The following KCNIP3 variants were observed in gnomAD, a reference collection of about 807,000 sequenced individuals.
KCNIP3 encodes the protein potassium voltage-gated channel interacting protein 3.
A neutral mutation model predicts 35.0 loss-of-function variants in KCNIP3; 28 were observed. The ratio of observed to expected loss-of-function variants is 0.80; its 90% confidence interval spans 0.59 to 1.10. The LOEUF (loss-of-function observed/expected upper bound fraction) is 1.10, where lower values mean the gene tolerates loss of function less well. Among genes scored for constraint, KCNIP3 ranks in the 50% least tolerant of loss-of-function variants. The pLI is 0.00. For missense variants in KCNIP3, 295 were observed against 338.4 expected (o/e 0.87, Z 1.01); for synonymous variants, 134 against 133.8 (o/e 1.00, Z -0.01).
chr2:95,317,384 AG>A (rs1678483638), intron 2 of KCNIP3, among the ~76,000 whole-genome samples: 1 of 152,184 alleles, frequency 6.6e-6, no homozygotes, highest in African/African-American at 2.4e-5. Flanking sequence ...TTCTGCCTCC[AG>A]GAACAGTGAG....
At position 95,376,043 on chromosome 2, in the gene KCNIP3, G is replaced by A. The variant is rs1164857361; in HGVS notation, c.447+835G>A. ...CGGGTTATTTTTATGCCGCAAGCCC[G>A]CCAGGCACACTGACGCTCCCCGCCT... On this transcript the variant is annotated intron_variant, in intron 5 of 8. Transcript: ENST00000295225. This position sits in a 1 kb window ranked among gnomAD's most constrained non-coding sequence, Gnocchi z 4.2. 6.6e-6 allele frequency among the ~76,000 whole-genome samples: 1 copy of A among 152,176 alleles called. No individual in the cohort carries two copies. Among genetic ancestry groups the A allele is most frequent in the Admixed American group, 6.5e-5 (1 of 15,290 alleles).
chr2:95,324,618 A>T (rs1449213474), intron 2 of KCNIP3, among the ~76,000 whole-genome samples: 1 of 150,410 alleles, frequency 6.6e-6, no homozygotes, highest in African/African-American at 2.4e-5. Context: ...AAAATAAAAA[A>T]AATGACAGTT....
chr2:95,347,899 C>T (rs1679416170), intron 2 of KCNIP3, among the ~76,000 whole-genome samples: 1 of 152,256 alleles, frequency 6.6e-6, no homozygotes, highest in Non-Finnish European at 1.5e-5. Flanking sequence ...GGCTCCAACT[C>T]TCAGTACTGA....
chr2:95,307,015 G>A (rs567078839), intron 1 of KCNIP3, among the ~76,000 whole-genome samples: 13 of 152,158 alleles, frequency 8.5e-5, no homozygotes, highest in African/African-American at 2.9e-4. Context: ...AGCTTCCCAG[G>A]CTCGGCTGCT....
intron 2 of KCNIP3, among the ~76,000 whole-genome samples, chr2:95,369,054 T>TG (rs938941537): frequency 5.9e-5 from 9 of 152,180 alleles, no homozygotes; most frequent in Non-Finnish European, 1.0e-4. Context: ...CCTTTTTTCT[T>TG]GGGGGGGAAA....
intron 2 of KCNIP3, among the ~76,000 whole-genome samples, chr2:95,371,781 G>GT (rs923527543): frequency 8.2e-5 from 12 of 146,568 alleles, no homozygotes; most frequent in African/African-American, 2.8e-4. Flanking sequence ...CTTTCTTAAT[G>GT]TTTTTCCATT....
intron 2 of KCNIP3, among the ~76,000 whole-genome samples, chr2:95,341,546 C>T (rs1408167894): frequency 6.6e-6 from 1 of 152,138 alleles, no homozygotes; most frequent in East Asian, 1.9e-4. Flanking sequence ...AAACAAAGTC[C>T]CTCTTGCGTG....
chr2:95,343,027 G>T (rs184198554), intron 2 of KCNIP3, among the ~76,000 whole-genome samples: 1 of 152,246 alleles, frequency 6.6e-6, no homozygotes, highest in East Asian at 1.9e-4. Flanking sequence ...ACCGAGAAGA[G>T]GTAGGAGGAG....
chr2:95,325,845 ACACACATACACTCACAGG>A (rs1007016732), intron 2 of KCNIP3, among the ~76,000 whole-genome samples: 10 of 60,100 alleles, frequency 1.7e-4, no homozygotes, highest in African/African-American at 4.2e-4. Flanking sequence ...ACACACTCAT[ACACACATACACTCACAGG>A]CACACATACA....
chr2:95,328,792 G>A (rs1484080556), intron 2 of KCNIP3, among the ~76,000 whole-genome samples: 1 of 152,262 alleles, frequency 6.6e-6, no homozygotes, highest in Admixed American at 6.5e-5. Flanking sequence ...GGGGAAGAGT[G>A]TGCCCCAGCA....
At chr2:95,383,161 C>A in intron 7 of KCNIP3, 71 bp from the exon 8 acceptor site, 2 of 879,450 alleles carry the variant, frequency 2.3e-6, no homozygotes, top group Non-Finnish European at 3.4e-6. Flanking sequence ...ATGACTTCTG[C>A]GTCCTCAGGC....
chr2:95,357,999 C>T (rs1216029715), intron 2 of KCNIP3, among the ~76,000 whole-genome samples: 2 of 152,180 alleles, frequency 1.3e-5, no homozygotes, highest in Non-Finnish European at 2.9e-5. Flanking sequence ...TTGGGGAGTA[C>T]TGGTGGGGGG....
intron 2 of KCNIP3, among the ~76,000 whole-genome samples, chr2:95,366,688 C>T (rs1679927007): frequency 6.6e-6 from 1 of 152,132 alleles, no homozygotes; most frequent in Admixed American, 6.5e-5. Flanking sequence ...ACTGCAAGCG[C>T]CCGACATTGT....
At chr2:95,304,391 G>A (rs1678120070) in intron 1 of KCNIP3, among the ~76,000 whole-genome samples, 1 of 152,212 alleles carries the variant, frequency 6.6e-6, no homozygotes, top group South Asian at 2.1e-4. Flanking sequence ...TCTGTGGCCT[G>A]TTGAGGCTCT....
chr2:95,359,370 G>A (rs767981281), intron 2 of KCNIP3, among the ~76,000 whole-genome samples: 1 of 152,192 alleles, frequency 6.6e-6, no homozygotes, highest in African/African-American at 2.4e-5. Context: ...AAGAAAAAAG[G>A]GGGTAACTGG....
chr2:95,325,859 A>ATACACT (rs1678749699), intron 2 of KCNIP3, among the ~76,000 whole-genome samples: 1 of 9,638 alleles, frequency 1.0e-4, no homozygotes, highest in African/African-American at 1.1e-3. Context: ...ACATACACTC[A>ATACACT]CAGGCACACA....
At chr2:95,302,178 C>T (rs1196473141) in intron 1 of KCNIP3, among the ~76,000 whole-genome samples, 2 of 151,450 alleles carry the variant, frequency 1.3e-5, no homozygotes, top group African/African-American at 4.9e-5. Flanking sequence ...CCGCAGCAGC[C>T]GTGGACAGGG....
At position 95,310,767 on chromosome 2, in the gene KCNIP3, G is replaced by A. The variant is rs150898541; in HGVS notation, c.181+247G>A. The A allele has an allele frequency of 2.6e-4, 134 of 525,064 alleles. 1 individual carries two copies. The highest frequency in any genetic ancestry group is 1.8e-3 in the African/African-American group (93 of 52,448). 32.5% of individuals were successfully genotyped at this position (525,064 alleles called of 1,614,324 possible). A position where few individuals can be genotyped will look rare whatever the true frequency, so the allele number is the denominator to read the frequency against. ...GTACAGAGAGCTGGGACCACACTGC[G>A]GTTTTCCAGTTGGCTAGGAAGACAG... On this transcript the variant is annotated intron_variant, in intron 2 of 8. Coordinates refer to ENST00000295225, the MANE Select transcript of KCNIP3 (RefSeq NM_013434.5).
At chr2:95,367,757 C>CT (rs1679949695) in intron 2 of KCNIP3, among the ~76,000 whole-genome samples, 2 of 147,316 alleles carry the variant, frequency 1.4e-5, no homozygotes, top group East Asian at 2.0e-4. Context: ...AGTGACTTAA[C>CT]ATTTTTTTTT....
Sources: allele counts gnomAD v4.1 joint callset (sites outside exome capture counted in the v4.1 genomes callset), GRCh38; gene constraint gnomAD v4.1.1; non-coding constraint Gnocchi (gnomAD v3.1); transcripts MANE v1.5; gene names NCBI Gene and HGNC (gene_info 2026-07-23, HGNC 2026-07-21).